CSTF3: variants seen among roughly 807,000 people sequenced by gnomAD.
The protein encoded by CSTF3 is cleavage stimulation factor subunit 3, also known as CF-1 77 kDa subunit.
CSTF3 carries 29 observed loss-of-function variants against 105.8 expected under a neutral mutation model. The ratio of observed to expected loss-of-function variants is 0.27; its 90% CI spans 0.20 to 0.37. CSTF3 has a LOEUF of 0.37. Among genes scored for constraint, CSTF3 ranks in the 10% least tolerant of loss-of-function variants. CSTF3 has a pLI of 1.00. For synonymous variants in CSTF3, 252 were observed against 281.9 expected (o/e 0.89, Z 1.06); for missense variants, 357 against 879.3 (o/e 0.41, Z 7.51).
intron 3 of CSTF3, among the ~76,000 whole-genome samples, chr11:33,119,851 A>T (rs1321380522): frequency 6.6e-6 from 1 of 151,760 alleles, no homozygotes; most frequent in Non-Finnish European, 1.5e-5. Flanking sequence ...TGTTGAAGTG[A>T]CCTAATTCCA....
rs1855223305 is a variant in CSTF3, at chr11:33,096,346, C to T, written c.1335G>A (p.Glu445=). The change falls in exon 15 of 21, where the codon GAG becomes GAA. Residue 445 remains glutamate (E), a synonymous_variant. Transcript: ENST00000323959. ...LGLKKYGDIP[E]YVLAYIDYLS... is the part of the protein sequence containing the mutation. ...GATAGTCAATATAGGCCAGGACATA[C>T]TCTGGAATGTCTCCATATTTTTTTA... 6.3e-7 allele frequency: 1 copy of T among 1,599,982 alleles called. No homozygotes were observed. Among genetic ancestry groups the T allele is most frequent in the African/African-American group, 1.3e-5 (1 of 74,148 alleles).
intron 9 of CSTF3, 128 bp from the exon 10 acceptor site, chr11:33,102,467 A>G: frequency 1.3e-6 from 1 of 754,016 alleles, no homozygotes; most frequent in Non-Finnish European, 2.1e-6. Context: ...TGTTAATATA[A>G]TCTAAAAACT....
chr11:33,095,637 C>T (rs1328884306), intron 15 of CSTF3, among the ~76,000 whole-genome samples: 1 of 151,350 alleles, frequency 6.6e-6, no homozygotes, highest in Non-Finnish European at 1.5e-5. Context: ...CTGGCTAACA[C>T]GGTGAAACCC....
At chr11:33,126,111 C>T (rs189252299) in intron 3 of CSTF3, among the ~76,000 whole-genome samples, 1 of 152,220 alleles carries the variant, frequency 6.6e-6, no homozygotes, top group African/African-American at 2.4e-5. Context: ...ACTCTAAAAT[C>T]CAATGTTCAC....
intron 3 of CSTF3, among the ~76,000 whole-genome samples, chr11:33,128,087 T>C (rs1855562475): frequency 1.3e-5 from 2 of 152,168 alleles, no homozygotes; most frequent in African/African-American, 4.8e-5. Context: ...CAATGTGGTA[T>C]CTTAGGATTC....
At chr11:33,133,899 C>T (rs1031831596) in intron 3 of CSTF3, among the ~76,000 whole-genome samples, 2 of 152,228 alleles carry the variant, frequency 1.3e-5, no homozygotes, top group African/African-American at 4.8e-5. Flanking sequence ...GATAATGAAT[C>T]CGAAGAAATT....
At position 33,158,693 on chromosome 11, in the gene CSTF3, TATA is replaced by T. The variant is rs1460618339; in HGVS notation, c.27+2603_27+2605del. 8.5e-5 allele frequency among the ~76,000 whole-genome samples: 13 copies of T among 152,190 alleles called. 1 individual carries two copies. The highest frequency in any genetic ancestry group is 2.4e-4 in the African/African-American group (10 of 41,450). On this transcript the variant is annotated intron_variant, in intron 1 of 20. Transcript: ENST00000323959. ...GCAGAAGTACCTGCTAATGTAATGA[TATA>T]ATGTTAAGTATTCTATCCAAAAATA...
intron 1 of CSTF3, among the ~76,000 whole-genome samples, chr11:33,150,187 C>G (rs1331010866): frequency 6.8e-6 from 1 of 146,280 alleles, no homozygotes; most frequent in African/African-American, 2.5e-5. Flanking sequence ...TGCAGTCCAG[C>G]CTGGGCAACA....
At chr11:33,110,985 C>T (rs556810180) in intron 3 of CSTF3, among the ~76,000 whole-genome samples, 3 of 152,222 alleles carry the variant, frequency 2.0e-5, no homozygotes, top group African/African-American at 4.8e-5. Context: ...AATCCCAGCA[C>T]TTTGGGAGGC....
intron 3 of CSTF3, among the ~76,000 whole-genome samples, chr11:33,133,478 T>G (rs1423116377): frequency 6.6e-6 from 1 of 152,224 alleles, no homozygotes; most frequent in Non-Finnish European, 1.5e-5. Context: ...CGCCTCTGGA[T>G]GAAATACACT....
At position 33,096,033 on chromosome 11, in the gene CSTF3, A is replaced by T. The variant is rs187231217; in HGVS notation, c.1375+273T>A. ...CCAGAGTCATCAGAGATGAATATAA[A>T]CAACTCTGTGTCTCCTGACTCTGAC... On this transcript the variant is annotated intron_variant, in intron 15 of 20. Transcript: ENST00000323959. Among the ~76,000 whole-genome samples, 19 of 152,194 alleles carry T rather than the reference A, an allele frequency of 1.2e-4. No homozygotes were observed. The East Asian group carries it at 3.5e-3, about 28-fold the overall frequency.
At chr11:33,144,253 T>C (rs1436854109) in intron 1 of CSTF3, among the ~76,000 whole-genome samples, 1 of 152,170 alleles carries the variant, frequency 6.6e-6, no homozygotes, top group Non-Finnish European at 1.5e-5. Context: ...CTCTTTTCTT[T>C]GGAATAAATT....
Position 33,085,704 on chromosome 11 carries a change from G to A in CSTF3, c.1951+9C>T, listed in dbSNP as rs781702856. On this transcript the variant is annotated intron_variant, in intron 20 of 20. Transcript: ENST00000323959. The stretch of plus-strand genomic sequence containing the variant: ...AATGACACTCTGAAATGGAGCTTCT[G>A]TTACTTACTATTTGGTATCTTGCAT... 5.6e-6 allele frequency: 9 copies of A among 1,602,274 alleles called. No homozygotes were observed. In the East Asian group the frequency reaches 2.0e-4, roughly 36 times the overall value.
At chr11:33,135,736 A>G (rs1207660474) in intron 3 of CSTF3, among the ~76,000 whole-genome samples, 1 of 152,158 alleles carries the variant, frequency 6.6e-6, no homozygotes, top group African/African-American at 2.4e-5. Context: ...CAGGGAAACC[A>G]TCATCACAAA....
At chr11:33,100,129 G>T (rs1307701211) in intron 10 of CSTF3, among the ~76,000 whole-genome samples, 2 of 152,072 alleles carry the variant, frequency 1.3e-5, no homozygotes, top group African/African-American at 4.8e-5. Flanking sequence ...GGCCAAGGCA[G>T]GCGGATCATA....
chr11:33,106,515 G>A (rs1181804874), intron 5 of CSTF3, among the ~76,000 whole-genome samples: 2 of 152,096 alleles, frequency 1.3e-5, no homozygotes, highest in Non-Finnish European at 2.9e-5. Flanking sequence ...GATCATCTGA[G>A]GCCAGGAGTC....
At chr11:33,108,891 C>T (rs540431632) in intron 3 of CSTF3, among the ~76,000 whole-genome samples, 1 of 152,312 alleles carries the variant, frequency 6.6e-6, no homozygotes, top group South Asian at 2.1e-4. Context: ...GGGGCTACCA[C>T]TGTGACAAGA....
chr11:33,151,905 T>G lies in CSTF3; in HGVS notation c.27+9394A>C, dbSNP rs1156723471. Among the ~76,000 whole-genome samples, 3 of 152,376 alleles carry G rather than the reference T, an allele frequency of 2.0e-5. No homozygotes were observed. In the East Asian group the frequency reaches 5.8e-4, roughly 29 times the overall value. On this transcript the variant is annotated intron_variant, in intron 1 of 20. Transcript: ENST00000323959. ...CCATCCTTGTGGGTCTGAAGTGATATCTCATTGTGGTTTTGATTTACATTT... is the reference window on the plus strand; with the variant it reads ...CCATCCTTGTGGGTCTGAAGTGATAGCTCATTGTGGTTTTGATTTACATTT...
chr11:33,097,382 T>G (rs1855233253), intron 13 of CSTF3, among the ~76,000 whole-genome samples: 1 of 152,216 alleles, frequency 6.6e-6, no homozygotes, highest in Non-Finnish European at 1.5e-5. Context: ...ACATGTTTTT[T>G]TTTTTGAGAC....
Sources: gnomAD v4.1 joint callset for allele counts (sites outside exome capture counted in the v4.1 genomes callset) on GRCh38, gnomAD v4.1.1 for gene constraint, MANE v1.5 for transcripts, NCBI Gene and HGNC (gene_info 2026-07-23, HGNC 2026-07-21) for gene names.